PSMD1: variants seen among roughly 807,000 people sequenced by gnomAD.
PSMD1 encodes the protein proteasome 26S subunit, non-ATPase 1.
A neutral mutation model predicts 119.0 loss-of-function variants in PSMD1; 18 were observed. The ratio of observed to expected loss-of-function variants is 0.15; its 90% CI spans 0.10 to 0.22. PSMD1 has a LOEUF of 0.22. Ranked by LOEUF, PSMD1 falls within the 10% of genes least tolerant of loss-of-function variation. PSMD1 has a pLI of 1.00. For missense variants in PSMD1, 702 were observed against 1,158.5 expected (o/e 0.61, Z 5.72); for synonymous variants, 374 against 396.6 (o/e 0.94, Z 0.68).
intron 1 of PSMD1, among the ~76,000 whole-genome samples, 177 bp downstream of exon 1, chr2:231,057,218 C>T (rs1324210851): frequency 6.6e-6 from 1 of 152,022 alleles, no homozygotes; most frequent in East Asian, 2.0e-4. Flanking sequence ...TCACTGCGTG[C>T]TTCTCTGGCT....
At chr2:231,141,448 T>C (rs1197210793) in intron 17 of PSMD1, among the ~76,000 whole-genome samples, 1 of 145,684 alleles carries the variant, frequency 6.9e-6, no homozygotes, top group Non-Finnish European at 1.5e-5. Flanking sequence ...TTTGAGACAG[T>C]GTCTCACTCT....
intron 18 of PSMD1, among the ~76,000 whole-genome samples, chr2:231,152,695 T>G (rs2125259231): frequency 6.6e-6 from 1 of 152,304 alleles, no homozygotes. Flanking sequence ...AACTCAAATT[T>G]GATATTTTCT....
chr2:231,171,992 TTAAGG>T (rs1349524834), intron 24 of PSMD1, among the ~76,000 whole-genome samples: 1 of 152,232 alleles, frequency 6.6e-6, no homozygotes. Context: ...CAGATAAATA[TTAAGG>T]TAGAAACCTG....
intron 17 of PSMD1, among the ~76,000 whole-genome samples, chr2:231,140,390 G>C (rs183321594): frequency 0.017 from 2,607 of 151,756 alleles, 39 homozygotes; most frequent in Middle Eastern, 0.027. Flanking sequence ...CAGCCACTCA[G>C]GAGGCTGAGG....
chr2:231,109,221 C>T, intron 16 of PSMD1: 1 of 1,614,152 alleles, frequency 6.2e-7, no homozygotes, highest in Non-Finnish European at 8.5e-7. Context: ...ACTAAGTAAG[C>T]CTTCTTCTGT....
In PSMD1 at chr2:231,057,005, G is replaced by T. The variant is rs1233578505; in HGVS notation, c.-21G>T. ...CAGCTGGAACGGCGAGCGAGCCGAC[G>T]GGCGAGTGAGGGGCGCAGCCATGAT... is the stretch of plus-strand genomic sequence containing the variant. On this transcript the variant is annotated 5_prime_UTR_variant, in exon 1 of 25. Transcript: ENST00000308696. The T allele has an allele frequency of 1.3e-6, 2 of 1,539,938 alleles. No homozygotes were observed.
At chr2:231,156,058 G>T (rs1696499128) in intron 19 of PSMD1, among the ~76,000 whole-genome samples, 1 of 151,932 alleles carries the variant, frequency 6.6e-6, no homozygotes, top group Non-Finnish European at 1.5e-5. Flanking sequence ...TCTTACAATT[G>T]TACGGTCTTA....
intron 16 of PSMD1, 32 bp downstream of exon 16, chr2:231,087,213 AT>A (rs774344887): frequency 6.3e-6 from 10 of 1,588,308 alleles, no homozygotes; most frequent in Non-Finnish European, 2.6e-6. Context: ...TTCTATTTAT[AT>A]TTCATTTTTT....
chr2:231,091,220 A>G (rs1694581642), intron 16 of PSMD1, among the ~76,000 whole-genome samples: 1 of 152,224 alleles, frequency 6.6e-6, no homozygotes, highest in Admixed American at 6.5e-5. Context: ...GACCCACCAA[A>G]TAGAGAGCAG....
chr2:231,067,210 A>G (rs1170389353), intron 5 of PSMD1, 99 bp downstream of exon 5: 4 of 918,494 alleles, frequency 4.4e-6, no homozygotes, highest in Non-Finnish European at 6.3e-6. Context: ...AAGAAAATCT[A>G]GTTTAGAAAT....
At chr2:231,135,152 T>A (rs1476504363) in intron 16 of PSMD1, among the ~76,000 whole-genome samples, 1 of 152,218 alleles carries the variant, frequency 6.6e-6, no homozygotes, top group Non-Finnish European at 1.5e-5. Context: ...CTTTAAGTTC[T>A]TAGCCTTATA....
At chr2:231,084,988 TTGA>T (rs748128434) in intron 14 of PSMD1, 28 bp from the exon 15 acceptor site, 1 of 1,551,908 alleles carries the variant, frequency 6.4e-7, no homozygotes, top group Non-Finnish European at 8.9e-7. Flanking sequence ...TTGAAATAAG[TTGA>T]TGATTAATGT....
intron 16 of PSMD1, among the ~76,000 whole-genome samples, chr2:231,103,930 T>C (rs1351532075): frequency 1.3e-5 from 2 of 152,128 alleles, no homozygotes; most frequent in East Asian, 1.9e-4. Context: ...AATTAAAAAA[T>C]GAGAAAATGG....
At chr2:231,146,032 C>CATACATT (rs1168899155) in intron 17 of PSMD1, among the ~76,000 whole-genome samples, 4 of 150,864 alleles carry the variant, frequency 2.7e-5, no homozygotes, top group Non-Finnish European at 5.9e-5. Flanking sequence ...CTAAGACACA[C>CATACATT]ATACATTATA....
chr2:231,076,762 T>C (rs575483958), intron 8 of PSMD1, among the ~76,000 whole-genome samples: 1 of 152,224 alleles, frequency 6.6e-6, no homozygotes, highest in Admixed American at 6.5e-5. Context: ...TAATAAAAAG[T>C]AATTTTCCTG....
chr2:231,087,685 G>T (rs1465827198), intron 16 of PSMD1, among the ~76,000 whole-genome samples: 1 of 152,096 alleles, frequency 6.6e-6, no homozygotes, highest in Non-Finnish European at 1.5e-5. Context: ...ACTCTTGGCT[G>T]GGCGCGGTAG....
rs1694141006 is a variant in PSMD1 at position 231,075,571 on chromosome 2, C to T, written c.942C>T (p.Ala314=). The T allele has an allele frequency of 1.9e-6, 3 of 1,599,838 alleles. No homozygotes were observed. Among genetic ancestry groups the T allele is most frequent in the African/African-American group, 1.4e-5 (1 of 73,766 alleles). The part of the protein sequence containing the change: ...SSAFVGKTPE[A]SPEPKDQTLK... ...CATTTGTAGGAAAGACACCAGAAGC[C>T]GTGAGTGTGCTTTTTTTTTTTCCTT... Residue 314 remains alanine (A), a splice_region_variant and synonymous_variant, in exon 8 of 25, where the codon GCC becomes GCT. Coordinates refer to ENST00000308696, the MANE Select transcript of PSMD1 (RefSeq NM_002807.4).
At chr2:231,137,647 C>T (rs1217267953) in intron 16 of PSMD1, among the ~76,000 whole-genome samples, 1 of 151,876 alleles carries the variant, frequency 6.6e-6, no homozygotes, top group Non-Finnish European at 1.5e-5. Flanking sequence ...ATCCCGTCAC[C>T]CAAGTATTAT....
intron 1 of PSMD1, among the ~76,000 whole-genome samples, chr2:231,059,868 T>C (rs1693712471): frequency 2.0e-5 from 3 of 152,212 alleles, no homozygotes; most frequent in Non-Finnish European, 2.9e-5. Context: ...GAAATACTAA[T>C]GTATGGAGTG....
Sources: gnomAD v4.1 joint callset for allele counts (sites outside exome capture counted in the v4.1 genomes callset) on GRCh38, gnomAD v4.1.1 for gene constraint, MANE v1.5 for transcripts, NCBI Gene and HGNC (gene_info 2026-07-23, HGNC 2026-07-21) for gene names.